The following SLC25A17 variants were observed in gnomAD, a reference collection of about 807,000 sequenced individuals.
SLC25A17 encodes peroxisomal membrane protein PMP34.
In SLC25A17, 26 loss-of-function variants were observed where a neutral mutation model predicts 38.5. That is an observed-to-expected ratio of 0.68 (90% CI 0.50 to 0.94). SLC25A17 has a LOEUF of 0.94. Ranked by LOEUF, SLC25A17 falls within the 40% of genes least tolerant of loss-of-function variation. The probability of loss-of-function intolerance (pLI) is 0.00; values close to 1 mark genes in which losing one functional copy is unlikely to be tolerated. For synonymous variants in SLC25A17, 139 were observed against 136.2 expected (o/e 1.02, Z -0.14); for missense variants, 333 against 372.7 (o/e 0.89, Z 0.88).
intron 4 of SLC25A17, among the ~76,000 whole-genome samples, chr22:40,785,267 C>CTACAGCTACAGCTGACTGTAGCCCAAGT (rs1398993859): frequency 6.6e-6 from 1 of 152,140 alleles, no homozygotes; most frequent in East Asian, 1.9e-4. Flanking sequence ...GCCTGTAGTC[C>CTACAGCTACAGCTGACTGTAGCCCAAGT]CAGCTACTTG....
At chr22:40,805,009 A>AAAGT (rs2079391633) in intron 1 of SLC25A17, among the ~76,000 whole-genome samples, 1 of 152,030 alleles carries the variant, frequency 6.6e-6, no homozygotes, top group Admixed American at 6.6e-5. Flanking sequence ...AGAAAGAAAG[A>AAAGT]AAAAGAAAAT....
chr22:40,817,052 AGAAG>A (rs2057648502), intron 1 of SLC25A17, among the ~76,000 whole-genome samples: 2 of 152,218 alleles, frequency 1.3e-5, no homozygotes, highest in Admixed American at 6.5e-5. Context: ...ATTTATTGCA[AGAAG>A]GAAGAGAAAA....
chr22:40,806,569 C>T (rs2057532026), intron 1 of SLC25A17, among the ~76,000 whole-genome samples: 1 of 151,750 alleles, frequency 6.6e-6, no homozygotes, highest in African/African-American at 2.4e-5. Flanking sequence ...AGTCTAATTG[C>T]TCAAGGGGCT....
chr22:40,771,067 G>A (rs979549249), intron 8 of SLC25A17, 86 bp from the exon 9 acceptor site: 3 of 1,166,094 alleles, frequency 2.6e-6, no homozygotes, highest in Non-Finnish European at 3.5e-6. Context: ...ATAAGAACAA[G>A]CAATAGAGGT....
intron 1 of SLC25A17, among the ~76,000 whole-genome samples, chr22:40,814,754 A>AATATATATATATAT (rs10527651): frequency 2.3e-3 from 306 of 135,092 alleles, no homozygotes; most frequent in Non-Finnish European, 3.2e-3. Flanking sequence ...GTACGTGCAG[A>AATATATATATATAT]ATATATATAT....
At chr22:40,778,167 C>T (rs2057263531) in intron 5 of SLC25A17, among the ~76,000 whole-genome samples, 2 of 152,198 alleles carry the variant, frequency 1.3e-5, no homozygotes, top group South Asian at 4.2e-4. Flanking sequence ...ATATCAGATA[C>T]CAATCTGGTG....
intron 7 of SLC25A17, among the ~76,000 whole-genome samples, chr22:40,774,694 T>G (rs2057223165): frequency 6.6e-6 from 1 of 152,238 alleles, no homozygotes; most frequent in African/African-American, 2.4e-5. Context: ...TTAGAACATC[T>G]GCAGTCTAAG....
intron 8 of SLC25A17, among the ~76,000 whole-genome samples, chr22:40,772,535 T>C (rs1282024842): frequency 6.6e-5 from 10 of 152,094 alleles, no homozygotes; most frequent in African/African-American, 2.2e-4. Flanking sequence ...ACTCCTGAGC[T>C]AAAGCGATCT....
chr22:40,811,321 C>A (rs1313969565), intron 1 of SLC25A17, among the ~76,000 whole-genome samples: 1 of 151,502 alleles, frequency 6.6e-6, no homozygotes, highest in African/African-American at 2.4e-5. Context: ...AAACCCCTGG[C>A]CTCGAGTGAT....
intron 1 of SLC25A17, 42 bp downstream of exon 1, chr22:40,819,153 C>G: frequency 1.2e-6 from 2 of 1,610,546 alleles, no homozygotes; most frequent in Non-Finnish European, 1.7e-6. Flanking sequence ...CCCGAGAAGC[C>G]TTATAACCCG....
intron 1 of SLC25A17, among the ~76,000 whole-genome samples, chr22:40,800,064 G>C (rs713910): frequency 6.6e-6 from 1 of 151,998 alleles, no homozygotes; most frequent in African/African-American, 2.4e-5. Context: ...TGAAAGGACA[G>C]GTAAGAATCA....
At chr22:40,775,791 C>T (rs2057237498) in intron 7 of SLC25A17, among the ~76,000 whole-genome samples, 1 of 152,150 alleles carries the variant, frequency 6.6e-6, no homozygotes, top group African/African-American at 2.4e-5. Context: ...GAGGAGTTCC[C>T]CCTGCACTTG....
In SLC25A17 at chr22:40,792,592, G is replaced by T. The variant is rs755249717; in HGVS notation, c.267C>A (p.Leu89=). The part of the protein sequence containing the change: ...NFVYFYTFNS[L]KALWVKGQHS... Reference sequence around the variant, plus strand: ...GTTGACCTTTGACCCAGAGTGCTTTGAGGCTATTAAAAGTGTAGAAATAGA... The same window carrying T: ...GTTGACCTTTGACCCAGAGTGCTTTTAGGCTATTAAAAGTGTAGAAATAGA... Residue 89 remains leucine (L), a synonymous_variant, in exon 4 of 9, where the codon CTC becomes CTA. Coordinates refer to ENST00000435456, the MANE Select transcript of SLC25A17 (RefSeq NM_006358.4). 9 of 1,614,044 alleles carry T rather than the reference G, an allele frequency of 5.6e-6. No individual in the cohort carries two copies. The highest frequency in any genetic ancestry group is 3.3e-5 in the Admixed American group (2 of 60,012).
intron 4 of SLC25A17, among the ~76,000 whole-genome samples, chr22:40,787,396 G>T (rs578107784): frequency 1.3e-5 from 2 of 152,208 alleles, no homozygotes; most frequent in Non-Finnish European, 2.9e-5. Flanking sequence ...CTCTTGGTAA[G>T]CGTAAAACTC....
At chr22:40,802,302 A>G (rs1348929188) in intron 1 of SLC25A17, among the ~76,000 whole-genome samples, 1 of 152,194 alleles carries the variant, frequency 6.6e-6, no homozygotes, top group Non-Finnish European at 1.5e-5. Context: ...GAGAACAGTC[A>G]GCCCAAACAG....
At chr22:40,804,196 T>C (rs138311) in intron 1 of SLC25A17, among the ~76,000 whole-genome samples, 98,939 of 151,748 alleles carry the variant, frequency 0.65, 32,698 homozygotes, top group Admixed American at 0.74. Context: ...TCCTTTGTCC[T>C]GAAATCTGGC....
chr22:40,773,965 T>C lies in SLC25A17; in HGVS notation c.748A>G (p.Ile250Val). 3.1e-6 allele frequency: 5 copies of C among 1,612,554 alleles called. No individual in the cohort carries two copies. ...ENRTLGSLRN[I>V]LYLLHQRVRR... ...ACTCGTTGGTGAAGAAGATAGAGAA[T>C]ATTCCGAAGACTTCCCAATGTTCTG... Residue 250 changes from isoleucine (I) to valine (V), a missense_variant, in exon 8 of 9, where the codon ATT becomes GTT. Coordinates refer to ENST00000435456, the MANE Select transcript of SLC25A17 (RefSeq NM_006358.4).
intron 1 of SLC25A17, 143 bp downstream of exon 1, chr22:40,819,052 A>C: frequency 3.5e-6 from 3 of 848,062 alleles, no homozygotes; most frequent in South Asian, 3.2e-5. Flanking sequence ...CCAATGGCCC[A>C]TTCCTCTCTG....
rs1457585858 is a variant in SLC25A17, at chr22:40,769,912, C to T, written c.*922G>A. On this transcript the variant is annotated 3_prime_UTR_variant, in exon 9 of 9. Coordinates refer to ENST00000435456, the MANE Select transcript of SLC25A17 (RefSeq NM_006358.4). ...TAAGGAAGGTTTCCAAATGAAATAACCTCAACCAGATGTTTATTTTCAAAA... is the reference window on the plus strand; with the variant it reads ...TAAGGAAGGTTTCCAAATGAAATAATCTCAACCAGATGTTTATTTTCAAAA... 6.6e-6 allele frequency: 1 copy of T among 152,166 alleles called. No individual in the cohort carries two copies. The highest frequency in any genetic ancestry group is 2.4e-5 in the African/African-American group (1 of 41,448). 9.4% of individuals were successfully genotyped at this position (152,166 alleles called of 1,614,324 possible).
Sources: gnomAD v4.1 joint callset for allele counts (sites outside exome capture counted in the v4.1 genomes callset) on GRCh38, gnomAD v4.1.1 for gene constraint, MANE v1.5 for transcripts, NCBI Gene and HGNC (gene_info 2026-07-23, HGNC 2026-07-21) for gene names.